PPIB: variants seen among roughly 807,000 people sequenced by gnomAD.
PPIB encodes the protein peptidylprolyl isomerase B, also known as peptidyl-prolyl cis-trans isomerase B.
A neutral mutation model predicts 20.1 loss-of-function variants in PPIB; 15 were observed. The ratio of observed to expected loss-of-function variants is 0.75; its 90% CI spans 0.50 to 1.15. The LOEUF is 1.15. Among genes scored for constraint, PPIB ranks in the 50% most tolerant of loss-of-function variants. PPIB has a pLI of 0.00. For missense variants in PPIB, 278 were observed against 283.0 expected (o/e 0.98, Z 0.13); for synonymous variants, 129 against 111.0 (o/e 1.16, Z -1.02).
chr15:64,161,448 G>C lies in PPIB; in HGVS notation c.249+593C>G. Among the ~76,000 whole-genome samples, 1 of 151,566 alleles carries C rather than the reference G, an allele frequency of 6.6e-6. No individual in the cohort carries two copies. Among genetic ancestry groups the C allele is most frequent in the Non-Finnish European group, 1.5e-5 (1 of 67,888 alleles). ...TAATTAAAAAAAATTTTTTTTGGCCGGGCATAGTGGCTCACACCTCTAATC... is the reference window on the plus strand; with the variant it reads ...TAATTAAAAAAAATTTTTTTTGGCCCGGCATAGTGGCTCACACCTCTAATC... On this transcript the variant is annotated intron_variant, in intron 2 of 4. Coordinates refer to ENST00000300026, the MANE Select transcript of PPIB (RefSeq NM_000942.5). The surrounding 1 kb of genome is among the most constrained non-coding windows in gnomAD (Gnocchi z 4.2).
rs1330544409 is a variant in PPIB, at chr15:64,159,007, T to C, written c.343+1097A>G. ...GGAAACTGAAGCTCCAAGGACTCACTTGCCTGAGGTCACAAAACAAGAAGG... is the reference window on the plus strand; with the variant it reads ...GGAAACTGAAGCTCCAAGGACTCACCTGCCTGAGGTCACAAAACAAGAAGG... On this transcript the variant is annotated intron_variant, in intron 3 of 4. Transcript: ENST00000300026. The surrounding 1 kb of genome is among the most constrained non-coding windows in gnomAD (Gnocchi z 5.1). Among the ~76,000 whole-genome samples, 1 of 152,192 alleles carries C rather than the reference T, an allele frequency of 6.6e-6. No individual in the cohort carries two copies. Among genetic ancestry groups the C allele is most frequent in the African/African-American group, 2.4e-5 (1 of 41,446 alleles).
At position 64,158,732 on chromosome 15, in the gene PPIB, C is replaced by T. The variant is rs1239919004; in HGVS notation, c.343+1372G>A. 1.3e-5 allele frequency among the ~76,000 whole-genome samples: 2 copies of T among 152,244 alleles called. No individual in the cohort carries two copies. Among genetic ancestry groups the T allele is most frequent in the African/African-American group, 2.4e-5 (1 of 41,458 alleles). Reference sequence around the variant, plus strand: ...CCAAGCTCCTGCCACAGAACAGCACCGGGCTCATGCCCTAACCCTGCCTCT... The same window carrying T: ...CCAAGCTCCTGCCACAGAACAGCACTGGGCTCATGCCCTAACCCTGCCTCT... On this transcript the variant is annotated intron_variant, in intron 3 of 4. Transcript: ENST00000300026. The surrounding 1 kb of genome is among the most constrained non-coding windows in gnomAD (Gnocchi z 4.7).
chr15:64,161,919 G>A lies in PPIB; in HGVS notation c.249+122C>T, dbSNP rs1033835166. The A allele has an allele frequency of 9.6e-5, 76 of 792,014 alleles. No homozygotes were observed. Among genetic ancestry groups the A allele is most frequent in the South Asian group, 4.6e-4 (34 of 74,210 alleles). 49.1% of individuals were successfully genotyped at this position (792,014 alleles called of 1,614,324 possible). ...GCAATACTGTGTTCCCAGGGCAACA[G>A]GCAGTCGGTGCTCAGTGAGGTCCAC... On this transcript the variant is annotated intron_variant, in intron 2 of 4. Coordinates refer to ENST00000300026, the MANE Select transcript of PPIB (RefSeq NM_000942.5). This position sits in a 1 kb window ranked among gnomAD's most constrained non-coding sequence, Gnocchi z 4.2.
chr15:64,158,307 C>T lies in PPIB; in HGVS notation c.344-1398G>A, dbSNP rs746056095. Among the ~76,000 whole-genome samples, 8 of 152,288 alleles carry T rather than the reference C, an allele frequency of 5.3e-5. No homozygotes were observed. The highest frequency in any genetic ancestry group is 3.4e-3 in the Middle Eastern group (1 of 294). On this transcript the variant is annotated intron_variant, in intron 3 of 4. Coordinates refer to ENST00000300026, the MANE Select transcript of PPIB (RefSeq NM_000942.5). This position sits in a 1 kb window ranked among gnomAD's most constrained non-coding sequence, Gnocchi z 4.7. ...AGTGTGAGCCAGAGACTGTTCCAAGCATCTTACATATTTAACAATCCACTC... is the reference window on the plus strand; with the variant it reads ...AGTGTGAGCCAGAGACTGTTCCAAGTATCTTACATATTTAACAATCCACTC...
At position 64,157,548 on chromosome 15, in the gene PPIB, A is replaced by G. The variant is rs2081542482; in HGVS notation, c.344-639T>C. 6.5e-6 allele frequency: 1 copy of G among 152,704 alleles called. No individual in the cohort carries two copies. Among genetic ancestry groups the G allele is most frequent in the Non-Finnish European group, 1.5e-5 (1 of 68,488 alleles). The allele number at this position is 152,704 out of a possible 1,614,324, so 9.5% of individuals were successfully genotyped here. A position where few individuals can be genotyped will look rare whatever the true frequency, so the allele number is the denominator to read the frequency against. ...GGCAATCCGGAGTGATCTCTATGCC[A>G]TTTCAGAGATCCTAGTTCCAAAGCT... On this transcript the variant is annotated intron_variant, in intron 3 of 4. Transcript: ENST00000300026. This position sits in a 1 kb window ranked among gnomAD's most constrained non-coding sequence, Gnocchi z 4.2.
chr15:64,156,082 T>C lies in PPIB; in HGVS notation c.592A>G (p.Ile198Val). The change falls in exon 5 of 5, where the codon ATC (isoleucine) becomes GTC (valine). Residue 198 changes from isoleucine to valine, a missense_variant. By Grantham distance (29) the Ile-to-Val change is conservative. Transcript: ENST00000300026. The surrounding 1 kb of genome is among the most constrained non-coding windows in gnomAD (Gnocchi z 6.4). ...TCGATCTTGCCGCAGTCTGCGATGA[T>C]CACATCCTTCAGGGGTTTATCCCGG... is the stretch of plus-strand genomic sequence containing the variant. ...DSRDKPLKDV[I>V]IADCGKIEVE... 6.2e-7 allele frequency: 1 copy of C among 1,614,210 alleles called. No homozygotes were observed. Among genetic ancestry groups the C allele is most frequent in the Non-Finnish European group, 8.5e-7 (1 of 1,180,036 alleles).
Position 64,161,724 on chromosome 15 carries a change from T to TGA in PPIB, c.249+316_249+317insTC. ...CAGGCGACAAGAGTGAAACTCCGTC[T>TGA]CAAAAAAAAAAAAAAATTTGCGGGG... is the stretch of plus-strand genomic sequence containing the variant. On this transcript the variant is annotated intron_variant, in intron 2 of 4. Coordinates refer to ENST00000300026, the MANE Select transcript of PPIB (RefSeq NM_000942.5). This position sits in a 1 kb window ranked among gnomAD's most constrained non-coding sequence, Gnocchi z 4.2. 6.9e-6 allele frequency among the ~76,000 whole-genome samples: 1 copy of TGA among 144,970 alleles called. No individual in the cohort carries two copies. Among genetic ancestry groups the TGA allele is most frequent in the African/African-American group, 2.5e-5 (1 of 40,052 alleles).
chr15:64,162,069 T>C lies in PPIB; in HGVS notation c.221A>G (p.Asp74Gly), dbSNP rs766543270. 4.5e-5 allele frequency: 73 copies of C among 1,613,784 alleles called. No individual in the cohort carries two copies. Among genetic ancestry groups the C allele is most frequent in the Non-Finnish European group, 6.1e-5 (72 of 1,179,790 alleles). Residue 74 changes from aspartate (D) to glycine (G), a missense_variant, in exon 2 of 5, where the codon GAT becomes GGT. Coordinates refer to ENST00000300026, the MANE Select transcript of PPIB (RefSeq NM_000942.5). ...LFGKTVPKTV[D>G]NFVALATGEK... Reference sequence around the variant, plus strand: ...TCCTGTAGCTAAGGCCACAAAATTATCCACTGTTTTTGGAACAGTCTTTCC... The same window carrying C: ...TCCTGTAGCTAAGGCCACAAAATTACCCACTGTTTTTGGAACAGTCTTTCC...
chr15:64,160,263 G>T lies in PPIB; in HGVS notation c.250-66C>A. On this transcript the variant is annotated intron_variant, in intron 2 of 4. Coordinates refer to ENST00000300026, the MANE Select transcript of PPIB (RefSeq NM_000942.5). The surrounding 1 kb of genome is among the most constrained non-coding windows in gnomAD (Gnocchi z 4.8). ...AGCAGGAAGACATTACATTAAATAGGCCTCACAGGAACAAGTCCACAACTC... is the reference window on the plus strand; with the variant it reads ...AGCAGGAAGACATTACATTAAATAGTCCTCACAGGAACAAGTCCACAACTC... 2 of 1,294,310 alleles carry T rather than the reference G, an allele frequency of 1.5e-6. No individual in the cohort carries two copies. Among genetic ancestry groups the T allele is most frequent in the Non-Finnish European group, 2.2e-6 (2 of 890,382 alleles). 80.2% of individuals were successfully genotyped at this position (1,294,310 alleles called of 1,614,324 possible). A position where few individuals can be genotyped will look rare whatever the true frequency, so the allele number is the denominator to read the frequency against.
Position 64,160,023 on chromosome 15 carries a change from C to G in PPIB, c.343+81G>C. ...CTCTAGAGCTGGGGAAGAAAGAGGC[C>G]TGGTCTCCCCAGCAGAACCTGGCCC... On this transcript the variant is annotated intron_variant, in intron 3 of 4. Transcript: ENST00000300026. This position sits in a 1 kb window ranked among gnomAD's most constrained non-coding sequence, Gnocchi z 4.8. 8.0e-7 allele frequency: 1 copy of G among 1,244,066 alleles called. No individual in the cohort carries two copies. The highest frequency in any genetic ancestry group is 1.2e-6 in the Non-Finnish European group (1 of 844,570). The allele number at this position is 1,244,066 out of a possible 1,614,324, so 77.1% of individuals were successfully genotyped here.
rs2081570387 is a variant in PPIB at position 64,162,858 on chromosome 15, G to A, written c.129C>T (p.Thr43=). The A allele has an allele frequency of 1.2e-6, 2 of 1,611,178 alleles. No homozygotes were observed. Among genetic ancestry groups the A allele is most frequent in the Non-Finnish European group, 1.7e-6 (2 of 1,178,980 alleles). ...GCCGCGGACTCCACCGGACCTTGACGGTGACTTTGGGCCCCTTCTTCTTCT... is the reference window on the plus strand; with the variant it reads ...GCCGCGGACTCCACCGGACCTTGACAGTGACTTTGGGCCCCTTCTTCTTCT... ...ADEKKKGPKV[T]VKVYFDLRIG... The change falls in exon 1 of 5, where the codon ACC becomes ACT. Residue 43 remains threonine (T), a synonymous_variant. Coordinates refer to ENST00000300026, the MANE Select transcript of PPIB (RefSeq NM_000942.5).
In PPIB at chr15:64,161,152, G is replaced by A. The variant is rs2081561456; in HGVS notation, c.249+889C>T. Among the ~76,000 whole-genome samples, 1 of 151,352 alleles carries A rather than the reference G, an allele frequency of 6.6e-6. No individual in the cohort carries two copies. The highest frequency in any genetic ancestry group is 6.6e-5 in the Admixed American group (1 of 15,218). ...ATTTTTTGTATTTTTAGTAGAGACA[G>A]GATTTCGCCATGTTGGCCAGGCTGG... is the stretch of plus-strand genomic sequence containing the variant. On this transcript the variant is annotated intron_variant, in intron 2 of 4. Transcript: ENST00000300026. The surrounding 1 kb of genome is among the most constrained non-coding windows in gnomAD (Gnocchi z 4.2).
chr15:64,159,908 A>G lies in PPIB; in HGVS notation c.343+196T>C. On this transcript the variant is annotated intron_variant, in intron 3 of 4. Transcript: ENST00000300026. This position sits in a 1 kb window ranked among gnomAD's most constrained non-coding sequence, Gnocchi z 5.1. Reference sequence around the variant, plus strand: ...TTCTCTTAGATCTACCATCAGGTCCACCCCATTATTCTCTCTCCTTTGTAC... The same window carrying G: ...TTCTCTTAGATCTACCATCAGGTCCGCCCCATTATTCTCTCTCCTTTGTAC... 1.6e-6 allele frequency: 1 copy of G among 645,044 alleles called. No homozygotes were observed. Among genetic ancestry groups the G allele is most frequent in the Non-Finnish European group, 2.8e-6 (1 of 358,776 alleles). 40.0% of individuals were successfully genotyped at this position (645,044 alleles called of 1,614,324 possible). A position where few individuals can be genotyped will look rare whatever the true frequency, so the allele number is the denominator to read the frequency against.
At position 64,161,938 on chromosome 15, in the gene PPIB, G is replaced by A. The variant is rs2081565644; in HGVS notation, c.249+103C>T. 1 of 849,950 alleles carries A rather than the reference G, an allele frequency of 1.2e-6. No individual in the cohort carries two copies. The highest frequency in any genetic ancestry group is 1.7e-5 in the African/African-American group (1 of 60,252). The allele number at this position is 849,950 out of a possible 1,614,324, so 52.7% of individuals were successfully genotyped here. ...GCAACAGGCAGTCGGTGCTCAGTGA[G>A]GTCCACGCTACAGATCGGCTGAACT... On this transcript the variant is annotated intron_variant, in intron 2 of 4. Coordinates refer to ENST00000300026, the MANE Select transcript of PPIB (RefSeq NM_000942.5). This position sits in a 1 kb window ranked among gnomAD's most constrained non-coding sequence, Gnocchi z 4.2.
In PPIB at chr15:64,159,142, T is replaced by G. The variant is rs1019131021; in HGVS notation, c.343+962A>C. 6.6e-6 allele frequency: 1 copy of G among 152,210 alleles called. No homozygotes were observed. The highest frequency in any genetic ancestry group is 1.5e-5 in the Non-Finnish European group (1 of 68,054). 9.4% of individuals were successfully genotyped at this position (152,210 alleles called of 1,614,324 possible). ...CTGCATCATGGCTCACTTGTACATT[T>G]TCAGTTGTTGGAAGTAAAAGGGAGC... On this transcript the variant is annotated intron_variant, in intron 3 of 4. Coordinates refer to ENST00000300026, the MANE Select transcript of PPIB (RefSeq NM_000942.5). This position sits in a 1 kb window ranked among gnomAD's most constrained non-coding sequence, Gnocchi z 5.1.
chr15:64,159,840 C>T lies in PPIB; in HGVS notation c.343+264G>A. 1.8e-6 allele frequency: 1 copy of T among 566,752 alleles called. No homozygotes were observed. The highest frequency in any genetic ancestry group is 3.2e-6 in the Non-Finnish European group (1 of 315,864). The allele number at this position is 566,752 out of a possible 1,614,324, so 35.1% of individuals were successfully genotyped here. ...CTGAAGAGGTATCAGGAAAGGTCAC[C>T]AGGCTATAGGCCTGGATCAGCAGGA... On this transcript the variant is annotated intron_variant, in intron 3 of 4. Transcript: ENST00000300026. This position sits in a 1 kb window ranked among gnomAD's most constrained non-coding sequence, Gnocchi z 5.1.
chr15:64,156,513 C>A lies in PPIB; in HGVS notation c.528+212G>T. 1 of 675,844 alleles carries A rather than the reference C, an allele frequency of 1.5e-6. No homozygotes were observed. The highest frequency in any genetic ancestry group is 2.7e-5 in the East Asian group (1 of 37,668). The allele number at this position is 675,844 out of a possible 1,614,324, so 41.9% of individuals were successfully genotyped here. ...GGGGAGGGAGGCTCTGGCAGTTGTG[C>A]AGCCTTCCTGGCTGGGCTCTGAGGG... On this transcript the variant is annotated intron_variant, in intron 4 of 4. Coordinates refer to ENST00000300026, the MANE Select transcript of PPIB (RefSeq NM_000942.5). This position sits in a 1 kb window ranked among gnomAD's most constrained non-coding sequence, Gnocchi z 6.4.
Position 64,160,951 on chromosome 15 carries a change from GTTTT to G in PPIB, c.250-758_250-755del, listed in dbSNP as rs1217040932. 6.7e-5 allele frequency among the ~76,000 whole-genome samples: 10 copies of G among 149,792 alleles called. No homozygotes were observed. In the East Asian group the frequency reaches 1.0e-3, roughly 15 times the overall value. ...AGGTGTGAGCCACCATGCCCAGCCT[GTTTT>G]TTTATTTTTTATTTTTATTTTTGAG... On this transcript the variant is annotated intron_variant, in intron 2 of 4. Transcript: ENST00000300026. The surrounding 1 kb of genome is among the most constrained non-coding windows in gnomAD (Gnocchi z 4.8).
chr15:64,162,888 G>C lies in PPIB; in HGVS notation c.99C>G (p.Ala33=). The C allele has an allele frequency of 6.2e-7, 1 of 1,612,688 alleles. No individual in the cohort carries two copies. The highest frequency in any genetic ancestry group is 8.5e-7 in the Non-Finnish European group (1 of 1,179,586). The change falls in exon 1 of 5, where the codon GCC becomes GCG. Residue 33 remains alanine (A), a synonymous_variant. Coordinates refer to ENST00000300026, the MANE Select transcript of PPIB (RefSeq NM_000942.5). ...CTTTGGGCCCCTTCTTCTTCTCATC[G>C]GCCGCAGAAGGTCCCGGCAGCAGCA... The part of the protein sequence containing the change: ...FFLLLPGPSA[A]DEKKKGPKVT...
Sources: allele counts gnomAD v4.1 joint callset (sites outside exome capture counted in the v4.1 genomes callset), GRCh38; gene constraint gnomAD v4.1.1; non-coding constraint Gnocchi (gnomAD v3.1); transcripts MANE v1.5; gene names NCBI Gene and HGNC (gene_info 2026-07-23, HGNC 2026-07-21).